The following SP140L variants were observed in gnomAD, a reference collection of about 807,000 sequenced individuals.
The protein encoded by SP140L is nuclear body protein SP140-like protein.
In SP140L, 64 loss-of-function variants were observed where a neutral mutation model predicts 84.3. The observed-to-expected ratio is 0.76, with a 90% CI of 0.62 to 0.94. The LOEUF (loss-of-function observed/expected upper bound fraction) is 0.94, where lower values mean the gene tolerates loss of function less well. Among genes scored for constraint, SP140L ranks in the 40% least tolerant of loss-of-function variants. SP140L has a pLI of 0.00. For missense variants in SP140L, 628 were observed against 692.5 expected, an observed-to-expected ratio of 0.91 and a Z score of 1.05; for synonymous variants, 242 against 236.9, an observed-to-expected ratio of 1.02 and a Z score of -0.20.
At chr2:230,354,848 G>GAAAGAAA (rs1456031529) in intron 2 of SP140L, among the ~76,000 whole-genome samples, 14 of 108,838 alleles carry the variant, frequency 1.3e-4, no homozygotes, top group African/African-American at 3.9e-4. Flanking sequence ...AAGAAAGAAA[G>GAAAGAAA]GAAAGAAAGA....
chr2:230,347,266 G>C (rs916604173), intron 2 of SP140L, among the ~76,000 whole-genome samples: 2 of 152,140 alleles, frequency 1.3e-5, no homozygotes, highest in Non-Finnish European at 2.9e-5. Context: ...TCAAGCTACT[G>C]TTCAGTGGGA....
chr2:230,348,488 C>G (rs149568337), intron 2 of SP140L, among the ~76,000 whole-genome samples: 1,688 of 152,302 alleles, frequency 0.011, 16 homozygotes, highest in Non-Finnish European at 0.013. Context: ...TGATACTGAG[C>G]ATCTCTTCTT....
intron 5 of SP140L, among the ~76,000 whole-genome samples, chr2:230,365,451 T>C (rs2060837284): frequency 6.6e-6 from 1 of 152,082 alleles, no homozygotes; most frequent in Admixed American, 6.5e-5. Context: ...CAATCTCTTA[T>C]GGTCCTTTGT....
At chr2:230,356,932 C>T (rs568869955) in intron 2 of SP140L, among the ~76,000 whole-genome samples, 40 of 152,038 alleles carry the variant, frequency 2.6e-4, no homozygotes, top group Admixed American at 6.6e-4. Flanking sequence ...AACAATAATG[C>T]GACATTGTTT....
intron 2 of SP140L, among the ~76,000 whole-genome samples, chr2:230,334,147 C>T (rs1484022290): frequency 6.6e-6 from 1 of 152,134 alleles, no homozygotes; most frequent in Non-Finnish European, 1.5e-5. Flanking sequence ...TTGACTGTAC[C>T]CCATTTTGAT....
intron 5 of SP140L, among the ~76,000 whole-genome samples, chr2:230,363,280 A>C (rs1300915027): frequency 6.6e-6 from 1 of 152,200 alleles, no homozygotes; most frequent in African/African-American, 2.4e-5. Flanking sequence ...TTACATTTCC[A>C]TTAACAGTGT....
chr2:230,388,796 G>A (rs1318196064), intron 10 of SP140L, 163 bp downstream of exon 10: 11 of 696,168 alleles, frequency 1.6e-5, no homozygotes, highest in African/African-American at 7.4e-5. Context: ...ATGTATCAAG[G>A]AAAGAAGGAA....
chr2:230,371,861 A>G (rs2149767730), intron 7 of SP140L: 2 of 546,554 alleles, frequency 3.7e-6, no homozygotes, highest in Middle Eastern at 4.0e-4. Flanking sequence ...AGATACAATT[A>G]ATTTAGAGAC....
At chr2:230,394,986 A>T (rs1231468751) in intron 13 of SP140L, among the ~76,000 whole-genome samples, 3 of 127,134 alleles carry the variant, frequency 2.4e-5, no homozygotes, top group Non-Finnish European at 5.3e-5. Context: ...AAGAGACTCC[A>T]GTAATTTTTT....
intron 2 of SP140L, among the ~76,000 whole-genome samples, chr2:230,340,177 G>T (rs905026658): frequency 6.6e-5 from 10 of 151,898 alleles, no homozygotes; most frequent in African/African-American, 2.4e-4. Flanking sequence ...TGGTACTCCT[G>T]TATTGAGTGC....
chr2:230,388,482 G>A (rs1468732829), intron 9 of SP140L, 77 bp from the exon 10 acceptor site: 7 of 1,205,920 alleles, frequency 5.8e-6, no homozygotes, highest in Non-Finnish European at 8.0e-6. Context: ...ACATTTAAAT[G>A]GAATTTTTGA....
At chr2:230,391,539 T>C (rs2061805471) in intron 11 of SP140L, among the ~76,000 whole-genome samples, 2 of 152,242 alleles carry the variant, frequency 1.3e-5, no homozygotes, top group African/African-American at 2.4e-5. Context: ...TATTTTTTAA[T>C]ATCAGCTGCC....
chr2:230,385,130 T>A (rs2061531346), intron 8 of SP140L, 94 bp from the exon 9 acceptor site: 6 of 1,251,706 alleles, frequency 4.8e-6, no homozygotes, highest in Non-Finnish European at 5.7e-6. Context: ...GGATCCAGAG[T>A]GAAACCCAGG....
At chr2:230,402,757 T>C in intron 18 of SP140L, 41 bp from the exon 19 acceptor site, 2 of 1,492,218 alleles carry the variant, frequency 1.3e-6, no homozygotes, top group African/African-American at 1.4e-5. Flanking sequence ...ATGACACTAA[T>C]GATAAGGAAC....
intron 2 of SP140L, among the ~76,000 whole-genome samples, chr2:230,332,066 T>C (rs532830311): frequency 6.6e-6 from 1 of 152,340 alleles, no homozygotes; most frequent in South Asian, 2.1e-4. Context: ...CTTGTAATGT[T>C]TAACTTGAGA....
intron 4 of SP140L, 41 bp downstream of exon 4, chr2:230,359,173 A>AT (rs746032779): frequency 1.9e-6 from 3 of 1,563,682 alleles, no homozygotes; most frequent in Admixed American, 1.8e-5. Flanking sequence ...TCCGGGGCCA[A>AT]TTTTTTTCAA....
chr2:230,380,394 C>T (rs929604122), intron 7 of SP140L, among the ~76,000 whole-genome samples: 5 of 152,050 alleles, frequency 3.3e-5, no homozygotes, highest in Admixed American at 6.6e-5. Context: ...TTTTTTTATC[C>T]GCTCAATAAC....
At chr2:230,340,193 T>C (rs1002147489) in intron 2 of SP140L, among the ~76,000 whole-genome samples, 4 of 151,816 alleles carry the variant, frequency 2.6e-5, no homozygotes, top group African/African-American at 9.7e-5. Context: ...AGTGCATATA[T>C]ATTTAGGATA....
intron 2 of SP140L, among the ~76,000 whole-genome samples, chr2:230,345,509 A>G (rs539265303): frequency 1.3e-5 from 2 of 150,600 alleles, no homozygotes; most frequent in South Asian, 4.2e-4. Flanking sequence ...TTGATAGGTG[A>G]GAACTTACTA....
Sources: gnomAD v4.1 joint callset for allele counts (sites outside exome capture counted in the v4.1 genomes callset) on GRCh38, gnomAD v4.1.1 for gene constraint, MANE v1.5 for transcripts, NCBI Gene and HGNC (gene_info 2026-07-23, HGNC 2026-07-21) for gene names.